The following ANK3 variants were observed in gnomAD, a reference collection of about 807,000 sequenced individuals.
ANK3 encodes the protein ankyrin 3, also known as ankyrin-3.
In ANK3, 57 loss-of-function variants were observed where a neutral mutation model predicts 370.9. The ratio of observed to expected loss-of-function variants is 0.15; its 90% CI spans 0.12 to 0.19. The LOEUF is 0.19. Among genes scored for constraint, ANK3 ranks in the 10% least tolerant of loss-of-function variants. The probability of loss-of-function intolerance (pLI) is 1.00; values close to 1 mark genes in which losing one functional copy is unlikely to be tolerated. For synonymous variants in ANK3, 1,929 were observed against 1,946.3 expected (o/e 0.99, Z 0.23); for missense variants, 4,439 against 5,302.1 (o/e 0.84, Z 5.06).
intron 9 of ANK3, among the ~76,000 whole-genome samples, chr10:60,209,784 G>A (rs960467952): frequency 5.2e-4 from 79 of 152,066 alleles, no homozygotes; most frequent in Non-Finnish European, 1.0e-3. Context: ...AAGTAAACAA[G>A]TGAACAAACA....
At chr10:60,213,353 G>C (rs1182203708) in intron 9 of ANK3, 59 bp downstream of exon 9, 10 of 1,197,064 alleles carry the variant, frequency 8.4e-6, no homozygotes. Flanking sequence ...CAAAAGGCTA[G>C]ATCATATAAC....
chr10:60,218,820 T>C (rs2096989513), intron 8 of ANK3, among the ~76,000 whole-genome samples: 1 of 152,130 alleles, frequency 6.6e-6, no homozygotes, highest in Non-Finnish European at 1.5e-5. Flanking sequence ...TGAATTTGCA[T>C]CTTGGCCTAT....
In ANK3 at chr10:60,389,444, G is replaced by C; in HGVS notation, c.95C>G (p.Ser32Cys). The change falls in exon 1 of 44, where the codon TCC (serine) becomes TGC (cysteine). Residue 32 changes from serine to cysteine, a missense_variant. Physicochemically the swap from Ser to Cys is moderately radical, Grantham distance 112. Coordinates refer to ENST00000280772, the MANE Select transcript of ANK3 (RefSeq NM_020987.5). ...AGATACCTTTTTCTTCCGATCCCGG[G>C]ACCGTTTGCGGTGTTTCCTTTTTTT... ...PEKKRKHRKR[S>C]RDRKKKSDAN... 3 of 1,613,918 alleles carry C rather than the reference G, an allele frequency of 1.9e-6. No homozygotes were observed. Among genetic ancestry groups the C allele is most frequent in the Non-Finnish European group, 2.5e-6 (3 of 1,179,944 alleles).
intron 1 of ANK3, among the ~76,000 whole-genome samples, chr10:60,321,035 A>G (rs1366612234): frequency 6.6e-6 from 1 of 152,174 alleles, no homozygotes; most frequent in African/African-American, 2.4e-5. Flanking sequence ...TCCAATTACA[A>G]TGATGCTATT....
chr10:60,355,398 G>A (rs1017898095), intron 1 of ANK3, among the ~76,000 whole-genome samples: 5 of 151,984 alleles, frequency 3.3e-5, no homozygotes, highest in African/African-American at 4.8e-5. Context: ...TTGTGCCACT[G>A]TCTTGAATAG....
At chr10:60,534,908 T>A (rs1165849864) in intron 2 of ANK3, among the ~76,000 whole-genome samples, 1 of 152,058 alleles carries the variant, frequency 6.6e-6, no homozygotes, top group African/African-American at 2.4e-5. Flanking sequence ...AGAAACAAAC[T>A]CAAAACAAAA....
intron 1 of ANK3, among the ~76,000 whole-genome samples, chr10:60,727,126 C>T (rs773422585): frequency 1.3e-5 from 2 of 152,104 alleles, no homozygotes; most frequent in Non-Finnish European, 2.9e-5. Context: ...CACTTACATA[C>T]CCCCGCCCCA....
intron 1 of ANK3, among the ~76,000 whole-genome samples, chr10:60,709,619 G>A (rs1442133028): frequency 2.6e-5 from 4 of 152,094 alleles, no homozygotes; most frequent in South Asian, 4.2e-4. Context: ...GAGCCCAAGC[G>A]TTTGAGACCA....
At chr10:60,579,756 T>C (rs946693672) in intron 2 of ANK3, among the ~76,000 whole-genome samples, 2 of 152,216 alleles carry the variant, frequency 1.3e-5, no homozygotes, top group Non-Finnish European at 2.9e-5. Flanking sequence ...TGAGAACACA[T>C]ATTCCTCTTA....
At chr10:60,196,647 A>G in intron 14 of ANK3, 22 bp from the exon 15 acceptor site, 1 of 1,427,148 alleles carries the variant, frequency 7.0e-7, no homozygotes, top group Non-Finnish European at 9.7e-7. Flanking sequence ...AAAACATAAA[A>G]ATAATGAACA....
At chr10:60,654,614 CT>C (rs1452661379) in intron 1 of ANK3, among the ~76,000 whole-genome samples, 1 of 152,128 alleles carries the variant, frequency 6.6e-6, no homozygotes, top group Non-Finnish European at 1.5e-5. Flanking sequence ...GAATGTTAAA[CT>C]TGCTTTCCTG....
At position 60,073,157 on chromosome 10, in the gene ANK3, T is replaced by C. The variant is rs1176719945; in HGVS notation, c.7724A>G (p.Asp2575Gly). Residue 2575 changes from aspartate (D) to glycine (G), a missense_variant, in exon 37 of 44, where the codon GAT becomes GGT. Physicochemically the swap from Asp to Gly is moderately conservative, Grantham distance 94 (BLOSUM62 -1). Transcript: ENST00000280772. ...CTCCTTCACAGTCCTGTCCACCCTA[T>C]CTTCATATATCAACTTCTCTCTACC... Reference protein sequence around the residue: ...DRGREKLIYEDRVDRTVKEAE... With the variant: ...DRGREKLIYEGRVDRTVKEAE... The C allele has an allele frequency of 1.2e-6, 2 of 1,614,138 alleles. No individual in the cohort carries two copies. The highest frequency in any genetic ancestry group is 2.2e-5 in the South Asian group (2 of 91,078).
intron 1 of ANK3, among the ~76,000 whole-genome samples, chr10:60,288,599 G>A (rs1281462629): frequency 1.3e-5 from 2 of 152,126 alleles, no homozygotes; most frequent in African/African-American, 4.8e-5. Flanking sequence ...AAAGGTTTGA[G>A]GAATTGTGAA....
rs1485316657 is a variant in ANK3, at chr10:60,074,908, T to G, written c.5973A>C (p.Glu1991Asp). Residue 1991 changes from glutamate (E) to aspartate (D), a missense_variant, in exon 37 of 44, where the codon GAA (glutamate) becomes GAC (aspartate). Physicochemically the swap from Glu to Asp is conservative, Grantham distance 45. Coordinates refer to ENST00000280772, the MANE Select transcript of ANK3 (RefSeq NM_020987.5). ...CTTCCCGGATTTCTTCCGAACTAAA[T>G]TCTATCCAGTCATCTTCAGGAGAGT... ...KGHSPEDDWI[E>D]FSSEEIREAR... The G allele has an allele frequency of 1.2e-6, 2 of 1,614,088 alleles. No individual in the cohort carries two copies. The highest frequency in any genetic ancestry group is 1.7e-6 in the Non-Finnish European group (2 of 1,179,982).
chr10:60,064,676 C>CAAA (rs1204379533), intron 38 of ANK3, among the ~76,000 whole-genome samples: 1 of 64,520 alleles, frequency 1.5e-5, no homozygotes, highest in Admixed American at 1.4e-4. Context: ...CACACAGCAA[C>CAAA]AACAACAACA....
intron 1 of ANK3, among the ~76,000 whole-genome samples, chr10:60,636,830 G>A (rs1209739306): frequency 6.6e-6 from 1 of 152,206 alleles, no homozygotes; most frequent in African/African-American, 2.4e-5. Flanking sequence ...GATATGAAAA[G>A]ATTTGGGAAC....
At chr10:60,591,303 TTTTATTTATTTATTTATTTATTTA>T (rs79060296) in intron 2 of ANK3, among the ~76,000 whole-genome samples, 3 of 137,560 alleles carry the variant, frequency 2.2e-5, no homozygotes, top group East Asian at 2.1e-4. Context: ...TTTATTTTTA[TTTTATTTATTTATTTATTTATTTA>T]TTTATTTATT....
chr10:60,526,365 T>C (rs979154642), intron 2 of ANK3, among the ~76,000 whole-genome samples: 1 of 152,144 alleles, frequency 6.6e-6, no homozygotes, highest in Non-Finnish European at 1.5e-5. Flanking sequence ...AAAAACAGTA[T>C]CAATCTCAGC....
At chr10:60,106,626 T>C (rs1565052197) in intron 27 of ANK3, among the ~76,000 whole-genome samples, 1 of 149,262 alleles carries the variant, frequency 6.7e-6, no homozygotes. Context: ...TGGTAGTAGG[T>C]AGCTTCCATT....
Sources: gnomAD v4.1 joint callset for allele counts (sites outside exome capture counted in the v4.1 genomes callset) on GRCh38, gnomAD v4.1.1 for gene constraint, MANE v1.5 for transcripts, NCBI Gene and HGNC (gene_info 2026-07-23, HGNC 2026-07-21) for gene names.